Variants in PTPRG observed in about 807,000 individuals in gnomAD.
The protein encoded by PTPRG is protein tyrosine phosphatase receptor type G.
Under a neutral mutation model 165.3 loss-of-function variants are expected in PTPRG, and 102 were observed. That is an observed-to-expected ratio of 0.62 (90% confidence interval 0.53 to 0.73). The LOEUF (loss-of-function observed/expected upper bound fraction) is 0.73, where lower values mean the gene tolerates loss of function less well. Among genes scored for constraint, PTPRG ranks in the 30% least tolerant of loss-of-function variants. The pLI, the probability that PTPRG is intolerant of heterozygous loss-of-function variation, is 0.00. For synonymous variants in PTPRG, 675 were observed against 669.5 expected (o/e 1.01, Z -0.13); for missense variants, 1,866 against 1,861.4 (o/e 1.00, Z -0.05).
chr3:61,987,425 A>G (rs2040787978), intron 2 of PTPRG, among the ~76,000 whole-genome samples: 1 of 152,226 alleles, frequency 6.6e-6, no homozygotes, highest in African/African-American at 2.4e-5. Flanking sequence ...ACTAATATGA[A>G]TGGCAAGTAC....
intron 12 of PTPRG, among the ~76,000 whole-genome samples, chr3:62,207,707 A>G (rs528761743): frequency 6.6e-6 from 1 of 152,188 alleles, no homozygotes; most frequent in Non-Finnish European, 1.5e-5. Context: ...TTGGTGTTTC[A>G]TAACATATTT....
At chr3:61,738,702 A>G (rs1005006038) in intron 1 of PTPRG, among the ~76,000 whole-genome samples, 2 of 152,054 alleles carry the variant, frequency 1.3e-5, no homozygotes, top group East Asian at 3.9e-4. Flanking sequence ...ATGAATCAAG[A>G]TAATTTATTA....
At chr3:62,285,553 G>C (rs938371978) in intron 28 of PTPRG, among the ~76,000 whole-genome samples, 1 of 150,084 alleles carries the variant, frequency 6.7e-6, no homozygotes, top group Admixed American at 6.6e-5. Flanking sequence ...GTGTGTCCCA[G>C]GTGGATGACA....
intron 2 of PTPRG, among the ~76,000 whole-genome samples, chr3:61,785,775 G>A (rs1386062539): frequency 1.3e-5 from 2 of 152,122 alleles, no homozygotes; most frequent in Non-Finnish European, 2.9e-5. Flanking sequence ...GAACTCATAA[G>A]CAGTTACCTG....
chr3:62,084,697 C>T (rs1701689036), intron 5 of PTPRG, among the ~76,000 whole-genome samples: 1 of 152,272 alleles, frequency 6.6e-6, no homozygotes, highest in East Asian at 1.9e-4. Context: ...CTCTCCACTT[C>T]CCTGCATTTC....
At chr3:61,839,518 A>T (rs961053505) in intron 2 of PTPRG, among the ~76,000 whole-genome samples, 1 of 152,240 alleles carries the variant, frequency 6.6e-6, no homozygotes, top group South Asian at 2.1e-4. Flanking sequence ...TCCAAGAGCC[A>T]CAGCTTAAAA....
chr3:61,601,285 A>G (rs765830322), intron 1 of PTPRG, among the ~76,000 whole-genome samples: 3 of 152,076 alleles, frequency 2.0e-5, no homozygotes, highest in Non-Finnish European at 4.4e-5. Flanking sequence ...AACAAAACAA[A>G]AGGAGCTTTT....
intron 2 of PTPRG, among the ~76,000 whole-genome samples, chr3:61,843,999 T>C (rs570716616): frequency 8.0e-4 from 121 of 151,184 alleles, no homozygotes; most frequent in African/African-American, 2.7e-3. Flanking sequence ...AGTCTCATTC[T>C]GTCGCCCAGG....
chr3:61,930,226 G>A (rs865984916), intron 2 of PTPRG, among the ~76,000 whole-genome samples: 2 of 152,152 alleles, frequency 1.3e-5, no homozygotes, highest in Non-Finnish European at 2.9e-5. Flanking sequence ...TCAGCTGTGT[G>A]TGTTTTTAGG....
At chr3:61,594,391 AGGTG>A in intron 1 of PTPRG, among the ~76,000 whole-genome samples, 1 of 151,956 alleles carries the variant, frequency 6.6e-6, no homozygotes, top group African/African-American at 2.4e-5. Flanking sequence ...TTGGTGCCTG[AGGTG>A]CAGATAGGCT....
chr3:61,992,242 T>G (rs1355869633), intron 3 of PTPRG, among the ~76,000 whole-genome samples: 1 of 110,818 alleles, frequency 9.0e-6, no homozygotes, highest in Non-Finnish European at 1.9e-5. Flanking sequence ...AGAACATGCA[T>G]TTTTGCATTT....
rs558957588 is a variant in PTPRG at position 62,019,971 on chromosome 3, T to C, written c.519+16474T>C. On this transcript the variant is annotated intron_variant, in intron 4 of 29. Transcript: ENST00000474889. ...ACTGAAGGAAGAGAGGTCATCCTTA[T>C]AGAAATCTCGGTGGAGTCTAACATC... Among the ~76,000 whole-genome samples the C allele has an allele frequency of 3.9e-5, 6 of 152,290 alleles. No homozygotes were observed. The South Asian group carries it at 1.0e-3, about 26-fold the overall frequency.
intron 2 of PTPRG, among the ~76,000 whole-genome samples, chr3:61,870,522 A>ATT (rs71100985): frequency 1.3e-4 from 5 of 38,382 alleles, no homozygotes; most frequent in Non-Finnish European, 2.2e-4. Flanking sequence ...GTAGAGATGG[A>ATT]TTTTTTTTTT....
At chr3:61,604,039 C>T (rs4688639) in intron 1 of PTPRG, among the ~76,000 whole-genome samples, 68,146 of 152,094 alleles carry the variant, frequency 0.45, 15,876 homozygotes, top group South Asian at 0.6. Context: ...TATTTGTCAA[C>T]ATATGCCTGT....
intron 2 of PTPRG, among the ~76,000 whole-genome samples, chr3:61,928,951 C>G (rs1000393710): frequency 6.6e-6 from 1 of 152,140 alleles, no homozygotes; most frequent in Non-Finnish European, 1.5e-5. Context: ...GTGTGGTTGT[C>G]ACAACGGGAA....
chr3:61,781,296 T>C (rs1322372286), intron 2 of PTPRG, among the ~76,000 whole-genome samples: 1 of 152,240 alleles, frequency 6.6e-6, no homozygotes, highest in Non-Finnish European at 1.5e-5. Context: ...TTTAGTTGTG[T>C]GTGCTTTTCA....
intron 2 of PTPRG, among the ~76,000 whole-genome samples, chr3:61,877,551 A>G (rs2037776829): frequency 6.6e-6 from 1 of 152,256 alleles, no homozygotes; most frequent in Non-Finnish European, 1.5e-5. Context: ...TTGAGTGGTT[A>G]ATGCAAGCAT....
At chr3:61,743,387 G>A (rs632091) in intron 1 of PTPRG, among the ~76,000 whole-genome samples, 92,594 of 151,974 alleles carry the variant, frequency 0.61, 29,199 homozygotes, top group Middle Eastern at 0.7. Context: ...GAGAGACTCA[G>A]ATTTTCCTGT....
intron 5 of PTPRG, among the ~76,000 whole-genome samples, chr3:62,103,460 G>A (rs1247369349): frequency 6.6e-6 from 1 of 152,180 alleles, no homozygotes; most frequent in Non-Finnish European, 1.5e-5. Context: ...CTGGGATTCC[G>A]GTCTCACGGT....
Sources: allele counts gnomAD v4.1 joint callset (sites outside exome capture counted in the v4.1 genomes callset), GRCh38; gene constraint gnomAD v4.1.1; transcripts MANE v1.5; gene names NCBI Gene and HGNC (gene_info 2026-07-23, HGNC 2026-07-21).